Variants in MIPOL1 observed in about 807,000 individuals in gnomAD.
The protein encoded by MIPOL1 is mirror-image polydactyly 1.
In MIPOL1, 57 loss-of-function variants were observed where a neutral mutation model predicts 60.9. That is an observed-to-expected ratio of 0.94 (90% CI 0.76 to 1.17). The LOEUF (loss-of-function observed/expected upper bound fraction) is 1.17, where lower values mean the gene tolerates loss of function less well. Ranked by LOEUF, MIPOL1 falls within the 50% of genes most tolerant of loss-of-function variation. MIPOL1 has a pLI of 0.00. For missense variants in MIPOL1, 551 were observed against 511.6 expected, an observed-to-expected ratio of 1.08 and a Z score of -0.74; for synonymous variants, 179 against 168.8, an observed-to-expected ratio of 1.06 and a Z score of -0.47.
chr14:37,275,104 TA>T (rs1240020024), intron 6 of MIPOL1, among the ~76,000 whole-genome samples: 3 of 151,184 alleles, frequency 2.0e-5, no homozygotes, highest in Non-Finnish European at 4.5e-5. Flanking sequence ...AGTGTGCAAA[TA>T]TTTTTTTAAA....
Position 37,344,041 on chromosome 14 carries a change from C to G in MIPOL1, c.829-25476C>G, listed in dbSNP as rs113158618. Among the ~76,000 whole-genome samples, 341 of 152,166 alleles carry G rather than the reference C, an allele frequency of 2.2e-3. 2 individuals are homozygous for G. Among genetic ancestry groups the G allele is most frequent in the African/African-American group, 7.7e-3 (319 of 41,542 alleles). On this transcript the variant is annotated intron_variant, in intron 9 of 12. Coordinates refer to ENST00000684589, the MANE Select transcript of MIPOL1 (RefSeq NM_001388067.1). ...GACATAACATTCTTTTCATCTATAGCTTTTATAGTGTATCTCAGAAATATA... is the reference window on the plus strand; with the variant it reads ...GACATAACATTCTTTTCATCTATAGGTTTTATAGTGTATCTCAGAAATATA...
At chr14:37,205,025 C>T (rs769307973) in intron 1 of MIPOL1, among the ~76,000 whole-genome samples, 18 of 151,896 alleles carry the variant, frequency 1.2e-4, no homozygotes, top group South Asian at 2.1e-4. Context: ...AAGAGACTGG[C>T]GGCATTTTGC....
chr14:37,356,563 T>C (rs532397723), intron 9 of MIPOL1, among the ~76,000 whole-genome samples: 1 of 152,304 alleles, frequency 6.6e-6, no homozygotes, highest in South Asian at 2.1e-4. Flanking sequence ...AGCGAGACTC[T>C]GTGGGTGTAG....
chr14:37,230,914 A>G (rs1427083562), intron 1 of MIPOL1, among the ~76,000 whole-genome samples: 1 of 152,128 alleles, frequency 6.6e-6, no homozygotes, highest in Non-Finnish European at 1.5e-5. Flanking sequence ...TCATTATGTA[A>G]CTAGAGGCAA....
chr14:37,524,547 A>G (rs76971185), intron 12 of MIPOL1, among the ~76,000 whole-genome samples: 8,545 of 146,344 alleles, frequency 0.058, 350 homozygotes, highest in Non-Finnish European at 0.087. Flanking sequence ...TCTTCTTGAC[A>G]TCTTAATTTT....
chr14:37,342,696 G>A (rs760022792), intron 9 of MIPOL1, among the ~76,000 whole-genome samples: 2 of 151,972 alleles, frequency 1.3e-5, no homozygotes, highest in Non-Finnish European at 2.9e-5. Context: ...GTGCCTGGCC[G>A]CAATTCACAA....
At chr14:37,524,565 CTTTTCTTTTTTTTTT>C (rs2095434754) in intron 12 of MIPOL1, among the ~76,000 whole-genome samples, 1 of 124,848 alleles carries the variant, frequency 8.0e-6, no homozygotes, top group African/African-American at 3.1e-5. Context: ...TTTTCTTTTT[CTTTTCTTTTTTTTTT>C]TTTTTGAGAT....
chr14:37,370,335 A>G lies in MIPOL1; in HGVS notation c.936+711A>G, dbSNP rs151190432. Among the ~76,000 whole-genome samples the G allele has an allele frequency of 6.0e-3, 915 of 152,212 alleles. 13 individuals carry two copies. The highest frequency in any genetic ancestry group is 0.02 in the African/African-American group (847 of 41,532). ...TCCCAGTATAGTGCCTGTACACAGT[A>G]GTTGTCTCTACCCTCAAGGTGCTTG... is the stretch of plus-strand genomic sequence containing the variant. On this transcript the variant is annotated intron_variant, in intron 10 of 12. Transcript: ENST00000684589.
intron 7 of MIPOL1, among the ~76,000 whole-genome samples, chr14:37,293,595 G>A (rs537455230): frequency 6.4e-4 from 98 of 152,182 alleles, no homozygotes; most frequent in African/African-American, 2.1e-3. Flanking sequence ...CTGGAAAATC[G>A]GATCACTCCC....
intron 9 of MIPOL1, among the ~76,000 whole-genome samples, chr14:37,353,290 C>T (rs1456349996): frequency 8.4e-6 from 1 of 118,724 alleles, no homozygotes; most frequent in Non-Finnish European, 1.8e-5. Context: ...TTTTGATGTG[C>T]TGCTGGATTC....
chr14:37,335,297 A>G (rs950455472), intron 9 of MIPOL1, among the ~76,000 whole-genome samples: 4 of 152,096 alleles, frequency 2.6e-5, no homozygotes, highest in Admixed American at 2.6e-4. Context: ...CATAAAATTT[A>G]CTGTCTTCAC....
chr14:37,205,663 C>G (rs1392417429), intron 1 of MIPOL1, among the ~76,000 whole-genome samples: 1 of 152,132 alleles, frequency 6.6e-6, no homozygotes, highest in Non-Finnish European at 1.5e-5. Context: ...GTTGCCTACC[C>G]TGTGTCCAAG....
At chr14:37,375,781 CTTACCATG>C (rs540523248) in intron 10 of MIPOL1, among the ~76,000 whole-genome samples, 133 of 151,598 alleles carry the variant, frequency 8.8e-4, no homozygotes, top group African/African-American at 2.9e-3. Context: ...TTCTTTCATT[CTTACCATG>C]TTACCCAGGC....
Position 37,345,267 on chromosome 14 carries a change from C to T in MIPOL1, c.829-24250C>T, listed in dbSNP as rs564409043. Among the ~76,000 whole-genome samples, 11 of 151,796 alleles carry T rather than the reference C, an allele frequency of 7.2e-5. No homozygotes were observed. In the South Asian group the frequency reaches 2.3e-3, roughly 32 times the overall value. On this transcript the variant is annotated intron_variant, in intron 9 of 12. Coordinates refer to ENST00000684589, the MANE Select transcript of MIPOL1 (RefSeq NM_001388067.1). Reference sequence around the variant, plus strand: ...TGCAGGTGCACGCCACAATGTCTGGCTAATATTTTTTCATTTTTTGTAGAG... The same window carrying T: ...TGCAGGTGCACGCCACAATGTCTGGTTAATATTTTTTCATTTTTTGTAGAG...
chr14:37,350,059 G>A (rs2091241009), intron 9 of MIPOL1, among the ~76,000 whole-genome samples: 2 of 152,004 alleles, frequency 1.3e-5, no homozygotes, highest in African/African-American at 4.8e-5. Flanking sequence ...ATTATTTCCT[G>A]TCTCTTTCTG....
At chr14:37,542,745 A>G (rs1286997830) in intron 12 of MIPOL1, among the ~76,000 whole-genome samples, 1 of 152,222 alleles carries the variant, frequency 6.6e-6, no homozygotes, top group Non-Finnish European at 1.5e-5. Flanking sequence ...GGAGTTATCC[A>G]TATAAAGATC....
intron 10 of MIPOL1, among the ~76,000 whole-genome samples, chr14:37,419,897 C>T (rs1424255242): frequency 1.3e-5 from 2 of 151,982 alleles, no homozygotes; most frequent in African/African-American, 4.8e-5. Flanking sequence ...CATGCCAGCC[C>T]ACCCAGCTAA....
rs567967038 is a variant in MIPOL1, at chr14:37,292,226, C to T, written c.623+6779C>T. Among the ~76,000 whole-genome samples, 7 of 151,980 alleles carry T rather than the reference C, an allele frequency of 4.6e-5. No individual in the cohort carries two copies. The South Asian group carries it at 1.2e-3, about 27-fold the overall frequency. On this transcript the variant is annotated intron_variant, in intron 7 of 12. Coordinates refer to ENST00000684589, the MANE Select transcript of MIPOL1 (RefSeq NM_001388067.1). ...AGGTGTGAAGCGAAGCCACCACGCC[C>T]AGCTGGCAGTTAAATTTTAACATGA...
chr14:37,356,804 G>C (rs971018844), intron 9 of MIPOL1, among the ~76,000 whole-genome samples: 6 of 152,162 alleles, frequency 3.9e-5, no homozygotes, highest in Non-Finnish European at 8.8e-5. Flanking sequence ...TGCGCCCACT[G>C]TCTGGCAGTC....
Sources: gnomAD v4.1 joint callset for allele counts (sites outside exome capture counted in the v4.1 genomes callset) on GRCh38, gnomAD v4.1.1 for gene constraint, MANE v1.5 for transcripts, NCBI Gene and HGNC (gene_info 2026-07-23, HGNC 2026-07-21) for gene names.